Variants in APAF1 observed in about 807,000 individuals in gnomAD.
APAF1 encodes the protein apoptotic peptidase activating factor 1.
APAF1 carries 91 observed loss-of-function variants against 152.4 expected under a neutral mutation model. That is an observed-to-expected ratio of 0.60 (90% CI 0.50 to 0.71). The LOEUF is 0.71. APAF1 is among the 30% of genes least tolerant of loss of function. The pLI, the probability that APAF1 is intolerant of heterozygous loss-of-function variation, is 0.00. For synonymous variants in APAF1, 484 were observed against 494.1 expected (o/e 0.98, Z 0.27); for missense variants, 1,283 against 1,472.0 (o/e 0.87, Z 2.10).
At chr12:98,732,194 A>G (rs2097763138) in intron 26 of APAF1, among the ~76,000 whole-genome samples, 1 of 152,164 alleles carries the variant, frequency 6.6e-6, no homozygotes, top group Non-Finnish European at 1.5e-5. Context: ...GCACAACTCA[A>G]CGGTTGGAGT....
At chr12:98,700,860 G>A (rs1463546958) in intron 17 of APAF1, among the ~76,000 whole-genome samples, 1 of 152,036 alleles carries the variant, frequency 6.6e-6, no homozygotes, top group Non-Finnish European at 1.5e-5. Flanking sequence ...ATATAATATC[G>A]GTCCTTTTGT....
At chr12:98,684,330 C>T (rs2097695609) in intron 15 of APAF1, among the ~76,000 whole-genome samples, 1 of 151,938 alleles carries the variant, frequency 6.6e-6, no homozygotes, top group Admixed American at 6.6e-5. Context: ...GCTTGCTGCT[C>T]TGGCTGAATG....
intron 15 of APAF1, among the ~76,000 whole-genome samples, chr12:98,684,199 T>G (rs893372227): frequency 6.6e-5 from 10 of 152,190 alleles, no homozygotes; most frequent in Non-Finnish European, 1.3e-4. Flanking sequence ...TAGAAAGTAC[T>G]GAAACAGTTA....
intron 22 of APAF1, among the ~76,000 whole-genome samples, chr12:98,718,630 C>T (rs1026106914): frequency 6.6e-6 from 1 of 152,114 alleles, no homozygotes; most frequent in African/African-American, 2.4e-5. Context: ...CTCTTATTTT[C>T]ACGAGGCATT....
chr12:98,701,033 C>G (rs1038661948), intron 17 of APAF1, among the ~76,000 whole-genome samples: 17 of 151,662 alleles, frequency 1.1e-4, no homozygotes, highest in African/African-American at 3.9e-4. Context: ...TTTTCACATA[C>G]AGCCTTGTTG....
Position 98,671,616 on chromosome 12 carries a change from G to C in APAF1, c.1690G>C (p.Val564Leu). Residue 564 changes from valine (V) to leucine (L), a missense_variant, in exon 12 of 27, where the codon GTA becomes CTA. Val to Leu is a conservative substitution (Grantham distance 32). Coordinates refer to ENST00000551964, the MANE Select transcript of APAF1 (RefSeq NM_181861.2). Reference sequence around the variant, plus strand: ...TGGACGACAGCCATTTCCTAATATTGTACAACTGGGTCTCTGTGAGCCGGA... The same window carrying C: ...TGGACGACAGCCATTTCCTAATATTCTACAACTGGGTCTCTGTGAGCCGGA... ...LLGRQPFPNI[V>L]QLGLCEPETS... 3.1e-6 allele frequency: 5 copies of C among 1,613,884 alleles called. No individual in the cohort carries two copies. Among genetic ancestry groups the C allele is most frequent in the Non-Finnish European group, 4.2e-6 (5 of 1,179,970 alleles).
intron 20 of APAF1, 48 bp downstream of exon 20, chr12:98,708,752 T>C: frequency 6.3e-7 from 1 of 1,596,998 alleles, no homozygotes; most frequent in Non-Finnish European, 8.6e-7. Flanking sequence ...GGTTGAATTT[T>C]CTATTCACGG....
At position 98,732,521 on chromosome 12, in the gene APAF1, T is replaced by A. The variant is rs1229819694; in HGVS notation, c.3702T>A (p.Thr1234=). 1 of 1,572,510 alleles carries A rather than the reference T, an allele frequency of 6.4e-7. No homozygotes were observed. Among genetic ancestry groups the A allele is most frequent in the Admixed American group, 1.7e-5 (1 of 59,956 alleles). ...HVSPDFKTYV[T]VDNLGILYIL... ...CCCCTGACTTCAAAACATATGTGAC[T>A]GTGGATAATCTTGGTATTTTATATA... Residue 1234 remains threonine, a synonymous_variant, in exon 27 of 27, where the codon ACT becomes ACA. Coordinates refer to ENST00000551964, the MANE Select transcript of APAF1 (RefSeq NM_181861.2).
At chr12:98,718,301 C>T (rs569775890) in intron 22 of APAF1, among the ~76,000 whole-genome samples, 3 of 152,106 alleles carry the variant, frequency 2.0e-5, no homozygotes, top group Admixed American at 2.0e-4. Context: ...GGTGCAATCT[C>T]GGCTCACTGA....
At chr12:98,689,031 T>G (rs2097701189) in intron 16 of APAF1, among the ~76,000 whole-genome samples, 1 of 152,060 alleles carries the variant, frequency 6.6e-6, no homozygotes, top group Non-Finnish European at 1.5e-5. Context: ...CCCAGGCTGG[T>G]CTGAAACTCC....
At chr12:98,704,667 A>G (rs1248174004) in intron 18 of APAF1, among the ~76,000 whole-genome samples, 1 of 152,218 alleles carries the variant, frequency 6.6e-6, no homozygotes, top group Non-Finnish European at 1.5e-5. Context: ...CCCATTGCAC[A>G]CAGAGGCAGG....
chr12:98,704,484 G>A (rs1352364573), intron 18 of APAF1, among the ~76,000 whole-genome samples: 1 of 152,224 alleles, frequency 6.6e-6, no homozygotes, highest in Non-Finnish European at 1.5e-5. Flanking sequence ...GCAAATTTTA[G>A]TGAGTTTGCC....
intron 18 of APAF1, among the ~76,000 whole-genome samples, chr12:98,706,185 C>T (rs985304222): frequency 6.6e-6 from 1 of 152,014 alleles, no homozygotes; most frequent in Non-Finnish European, 1.5e-5. Context: ...AGAGATTTGT[C>T]GTCATCAAGG....
intron 16 of APAF1, among the ~76,000 whole-genome samples, chr12:98,692,348 G>T (rs1259310045): frequency 6.6e-6 from 1 of 152,162 alleles, no homozygotes; most frequent in Admixed American, 6.5e-5. Context: ...CTCCCAAAGT[G>T]CTGGGATTAC....
At position 98,666,491 on chromosome 12, in the gene APAF1, T is replaced by C. The variant is rs1050232965; in HGVS notation, c.1362+134T>C. The C allele has an allele frequency of 8.5e-6, 7 of 818,776 alleles. No homozygotes were observed. In the African/African-American group the frequency reaches 1.2e-4, roughly 14 times the overall value. The allele number at this position is 818,776 out of a possible 1,614,324, so 50.7% of individuals were successfully genotyped here. A position where few individuals can be genotyped will look rare whatever the true frequency, so the allele number is the denominator to read the frequency against. ...CTAGCTTCCCCTAATATTAACATTT[T>C]ATATAACCATAGTACAGTTGTTAAA... is the stretch of plus-strand genomic sequence containing the variant. On this transcript the variant is annotated intron_variant, in intron 9 of 26. Coordinates refer to ENST00000551964, the MANE Select transcript of APAF1 (RefSeq NM_181861.2).
At chr12:98,678,279 A>G (rs2097688609) in intron 13 of APAF1, among the ~76,000 whole-genome samples, 2 of 152,246 alleles carry the variant, frequency 1.3e-5, no homozygotes, top group Non-Finnish European at 2.9e-5. Flanking sequence ...CTGTGCTCTG[A>G]CACTTCTTTT....
chr12:98,730,486 T>A (rs1009678962), intron 26 of APAF1, among the ~76,000 whole-genome samples: 1 of 152,216 alleles, frequency 6.6e-6, no homozygotes, highest in Non-Finnish European at 1.5e-5. Context: ...AGTGACCATA[T>A]TTGCAGAGTT....
chr12:98,657,761 C>T (rs116591662), intron 4 of APAF1, among the ~76,000 whole-genome samples: 211 of 152,278 alleles, frequency 1.4e-3, no homozygotes, highest in African/African-American at 4.7e-3. Flanking sequence ...CTCAACTCTG[C>T]TTCATTAGCT....
Position 98,725,522 on chromosome 12 carries a change from T to C in APAF1, c.3438T>C (p.Asp1146=), listed in dbSNP as rs2097749193. 6.2e-7 allele frequency: 1 copy of C among 1,614,162 alleles called. No homozygotes were observed. The highest frequency in any genetic ancestry group is 8.5e-7 in the Non-Finnish European group (1 of 1,180,008). The change falls in exon 25 of 27, where the codon GAT becomes GAC. Residue 1146 remains aspartate (D), a synonymous_variant. Coordinates refer to ENST00000551964, the MANE Select transcript of APAF1 (RefSeq NM_181861.2). The stretch of plus-strand genomic sequence containing the variant: ...ACAGTACCCTGCTGGCAACGGGAGA[T>C]GACAATGGAGAAATCAGGGTAGGCT... The part of the protein sequence containing the change: ...SVDSTLLATG[D]DNGEIRIWNV...
Sources: allele counts gnomAD v4.1 joint callset (sites outside exome capture counted in the v4.1 genomes callset), GRCh38; gene constraint gnomAD v4.1.1; transcripts MANE v1.5; gene names NCBI Gene and HGNC (gene_info 2026-07-23, HGNC 2026-07-21).